VPS13A: variants seen among roughly 807,000 people sequenced by gnomAD.
VPS13A encodes vacuolar protein sorting 13 homolog A, also known as intermembrane lipid transfer protein VPS13A.
VPS13A carries 264 observed loss-of-function variants against 390.9 expected under a neutral mutation model. The ratio of observed to expected loss-of-function variants is 0.68; its 90% CI spans 0.61 to 0.75. VPS13A has a LOEUF of 0.75. Ranked by LOEUF, VPS13A falls within the 30% of genes least tolerant of loss-of-function variation. The pLI, the probability that VPS13A is intolerant of heterozygous loss-of-function variation, is 0.00. For missense variants in VPS13A, 3,409 were observed against 3,733.9 expected (o/e 0.91, Z 2.27); for synonymous variants, 1,231 against 1,227.1 (o/e 1.00, Z -0.07).
rs116915082 is a variant in VPS13A at position 77,227,346 on chromosome 9, A to C, written c.1358-45A>C. On this transcript the variant is annotated intron_variant, in intron 15 of 71. Transcript: ENST00000360280. ...AAGGCAGATACATTGTGTTAATTTT[A>C]TTGTTTTTATTTAAGAACATAAAGC... 0.015 allele frequency: 20,680 copies of C among 1,346,858 alleles called. 205 individuals carry two copies. The highest frequency in any genetic ancestry group is 0.019 in the Non-Finnish European group (17,732 of 944,824). 83.4% of individuals were successfully genotyped at this position (1,346,858 alleles called of 1,614,324 possible).
chr9:77,341,690 C>CTTTTTTTTTTTTTTTTTTTTTTTTTT (rs1830821898), intron 50 of VPS13A, among the ~76,000 whole-genome samples: 1 of 23,562 alleles, frequency 4.2e-5, no homozygotes, highest in African/African-American at 1.9e-4. Context: ...GGACATCTTT[C>CTTTTTTTTTTTTTTTTTTTTTTTTTT]CTTTTTTTTT....
rs1019372338 is a variant in VPS13A at position 77,419,913 on chromosome 9, G to A, written c.*3907G>A. On this transcript the variant is annotated 3_prime_UTR_variant, in exon 72 of 72. Coordinates refer to ENST00000360280, the MANE Select transcript of VPS13A (RefSeq NM_033305.3). ...AGGGCCAAAATATTCAGTGTCTGGG[G>A]GGTGCTATGCAAATATCAATGACTT... 8.5e-5 allele frequency: 13 copies of A among 152,138 alleles called. No homozygotes were observed. The highest frequency in any genetic ancestry group is 1.3e-4 in the Non-Finnish European group (9 of 68,020). The allele number at this position is 152,138 out of a possible 1,614,324, so 9.4% of individuals were successfully genotyped here. A position where few individuals can be genotyped will look rare whatever the true frequency, so the allele number is the denominator to read the frequency against.
rs774698356 is a variant in VPS13A at position 77,282,126 on chromosome 9, T to A, written c.2970T>A (p.Asn990Lys). 1.1e-5 allele frequency: 18 copies of A among 1,613,200 alleles called. No homozygotes were observed. The highest frequency in any genetic ancestry group is 1.4e-5 in the Non-Finnish European group (17 of 1,179,540). ...YNNVLQLIKV[N>K]FSSLDIHLHT... ...AAATCAGCTTTGTTCTTTAGGTAAATTTTTCCTCTTTGGATATTCATTTAC... is the reference window on the plus strand; with the variant it reads ...AAATCAGCTTTGTTCTTTAGGTAAAATTTTCCTCTTTGGATATTCATTTAC... Residue 990 changes from asparagine to lysine, a missense_variant, in exon 29 of 72, where the codon AAT becomes AAA. Physicochemically the swap from Asn to Lys is moderately conservative, Grantham distance 94. Around this residue, in one of 5 missense-constraint regions of VPS13A, gnomAD observed 2,717 missense variants for 2,917.4 expected, o/e 0.93. Transcript: ENST00000360280.
At chr9:77,197,021 G>A (rs1254934567) in intron 1 of VPS13A, among the ~76,000 whole-genome samples, 1 of 151,956 alleles carries the variant, frequency 6.6e-6, no homozygotes, top group Admixed American at 6.6e-5. Context: ...TTGTCTTTTT[G>A]ATGATAGCCA....
At chr9:77,391,787 GATAGAT>G (rs1420673503) in intron 68 of VPS13A, among the ~76,000 whole-genome samples, 17 of 152,222 alleles carry the variant, frequency 1.1e-4, no homozygotes, top group South Asian at 8.3e-4. Context: ...AAAATATATG[GATAGAT>G]ATAGATATAT....
intron 68 of VPS13A, among the ~76,000 whole-genome samples, chr9:77,397,965 G>A (rs1387556219): frequency 1.3e-5 from 2 of 152,078 alleles, no homozygotes; most frequent in Admixed American, 1.3e-4. Context: ...TAAAGTACTG[G>A]CATTGTTAAT....
intron 3 of VPS13A, among the ~76,000 whole-genome samples, chr9:77,201,650 T>TG (rs1825337018): frequency 1.3e-5 from 2 of 152,170 alleles, no homozygotes; most frequent in Non-Finnish European, 2.9e-5. Flanking sequence ...ATTGAGTTAA[T>TG]TCAAAGGATT....
At position 77,358,339 on chromosome 9, in the gene VPS13A, G is replaced by A; in HGVS notation, c.7954-18G>A. 1 of 1,571,010 alleles carries A rather than the reference G, an allele frequency of 6.4e-7. No individual in the cohort carries two copies. Among genetic ancestry groups the A allele is most frequent in the Non-Finnish European group, 8.8e-7 (1 of 1,141,306 alleles). On this transcript the variant is annotated intron_variant, in intron 56 of 71. Transcript: ENST00000360280. ...ATAATTGACATATTAATATACTGATGTGTTTTTATTTTCTTAGATCCAAAA... is the reference window on the plus strand; with the variant it reads ...ATAATTGACATATTAATATACTGATATGTTTTTATTTTCTTAGATCCAAAA...
Position 77,308,035 on chromosome 9 carries a change from G to C in VPS13A, c.4051G>C (p.Val1351Leu), listed in dbSNP as rs753067755. ...YEKDGSASPA[V>L]TKDQYSATSG... The stretch of plus-strand genomic sequence containing the variant: ...AAAAGATGGTAGTGCCTCACCTGCT[G>C]TAACAAAAGACCAATACAGTGCCAC... Residue 1351 changes from valine to leucine, a missense_variant, in exon 35 of 72, where the codon GTA becomes CTA. Around this residue, in one of 5 missense-constraint regions of VPS13A, gnomAD observed 2,717 missense variants for 2,917.4 expected, o/e 0.93. Coordinates refer to ENST00000360280, the MANE Select transcript of VPS13A (RefSeq NM_033305.3). 6.2e-7 allele frequency: 1 copy of C among 1,613,806 alleles called. No individual in the cohort carries two copies.
chr9:77,344,415 C>T lies in VPS13A; in HGVS notation c.7155+134C>T, dbSNP rs556125943. 113 of 1,044,894 alleles carry T rather than the reference C, an allele frequency of 1.1e-4. No homozygotes were observed. The African/African-American group carries it at 1.6e-3, about 15-fold the overall frequency. The allele number at this position is 1,044,894 out of a possible 1,614,324, so 64.7% of individuals were successfully genotyped here. ...TTTCCCCAAAAACGAACAAACATTTCTTTTTGTAGAAGGAAACAGAGATCT... is the reference window on the plus strand; with the variant it reads ...TTTCCCCAAAAACGAACAAACATTTTTTTTTGTAGAAGGAAACAGAGATCT... On this transcript the variant is annotated intron_variant, in intron 51 of 71. Coordinates refer to ENST00000360280, the MANE Select transcript of VPS13A (RefSeq NM_033305.3).
chr9:77,264,722 T>C (rs992685725), intron 23 of VPS13A, among the ~76,000 whole-genome samples: 1 of 152,196 alleles, frequency 6.6e-6, no homozygotes, highest in South Asian at 2.1e-4. Flanking sequence ...TTTCTAAATA[T>C]ACAGTCATGT....
chr9:77,198,924 A>G (rs903273270), intron 1 of VPS13A, among the ~76,000 whole-genome samples: 2 of 152,142 alleles, frequency 1.3e-5, no homozygotes, highest in Non-Finnish European at 2.9e-5. Context: ...CAGCCTCTCG[A>G]AGTGCCAGGA....
intron 1 of VPS13A, among the ~76,000 whole-genome samples, chr9:77,189,783 A>G (rs868304841): frequency 2.6e-5 from 4 of 152,240 alleles, no homozygotes; most frequent in Middle Eastern, 6.8e-3. Context: ...TTCTTTGAGC[A>G]GTGTTTTGCA....
At chr9:77,266,648 C>G (rs10781428) in intron 23 of VPS13A, among the ~76,000 whole-genome samples, 29,227 of 151,834 alleles carry the variant, frequency 0.19, 3,642 homozygotes, top group East Asian at 0.37. Context: ...CTTGGGGTTG[C>G]TCTTATTGAG....
intron 31 of VPS13A, among the ~76,000 whole-genome samples, chr9:77,288,509 T>G (rs1016617905): frequency 5.3e-5 from 8 of 152,240 alleles, no homozygotes; most frequent in African/African-American, 4.8e-5. Context: ...ATTTCTCTTC[T>G]GACTTTCTTT....
chr9:77,238,125 A>G lies in VPS13A; in HGVS notation c.1719A>G (p.Pro573=). 1 of 1,613,814 alleles carries G rather than the reference A, an allele frequency of 6.2e-7. No homozygotes were observed. Among genetic ancestry groups the G allele is most frequent in the Non-Finnish European group, 8.5e-7 (1 of 1,179,824 alleles). Residue 573 remains proline (P), a synonymous_variant, in exon 18 of 72, where the codon CCA becomes CCG. Coordinates refer to ENST00000360280, the MANE Select transcript of VPS13A (RefSeq NM_033305.3). ...TCCAAATTACATTTGAGATAAATCCATTAGATGAAACTGTTTCTCAGAGGT... is the reference window on the plus strand; with the variant it reads ...TCCAAATTACATTTGAGATAAATCCGTTAGATGAAACTGTTTCTCAGAGGT... ...SLFQITFEIN[P]LDETVSQRCI...
chr9:77,177,907 C>A, intron 1 of VPS13A, 103 bp downstream of exon 1: 1 of 1,056,376 alleles, frequency 9.5e-7, no homozygotes, highest in Non-Finnish European at 1.4e-6. Context: ...ACCTTGCTCG[C>A]CGGGTGCAGC....
intron 34 of VPS13A, among the ~76,000 whole-genome samples, chr9:77,303,813 A>G (rs1227788003): frequency 6.6e-6 from 1 of 152,208 alleles, no homozygotes; most frequent in Non-Finnish European, 1.5e-5. Flanking sequence ...ACAAAGCAGC[A>G]TTACTGCAAA....
intron 68 of VPS13A, among the ~76,000 whole-genome samples, chr9:77,398,182 T>C (rs1834196754): frequency 6.6e-6 from 1 of 152,172 alleles, no homozygotes; most frequent in South Asian, 2.1e-4. Flanking sequence ...TGGAAAAAAT[T>C]AGCAGCCTAC....
Sources: gnomAD v4.1 joint callset for allele counts (sites outside exome capture counted in the v4.1 genomes callset) on GRCh38, gnomAD v4.1.1 for gene constraint, gnomAD v4.1.1 regional missense constraint, MANE v1.5 for transcripts, NCBI Gene and HGNC (gene_info 2026-07-23, HGNC 2026-07-21) for gene names.